SPMIP2: variants seen among roughly 807,000 people sequenced by gnomAD.
SPMIP2 encodes the protein protein SPMIP2.
chr4:158,898,909 T>A, the SPMIP2 span, among the ~76,000 whole-genome samples: 1 of 152,216 alleles, frequency 6.6e-6, no homozygotes, highest in East Asian at 1.9e-4. Flanking sequence ...GAGAGCATCC[T>A]TGTCTTGTGC....
chr4:158,933,757 C>A, the SPMIP2 span, among the ~76,000 whole-genome samples: 1 of 152,046 alleles, frequency 6.6e-6, no homozygotes, highest in African/African-American at 2.4e-5. Context: ...CTTTCTGTTC[C>A]TTTACCATTG....
chr4:159,064,620 C>A, the SPMIP2 span, among the ~76,000 whole-genome samples: 8 of 152,146 alleles, frequency 5.3e-5, no homozygotes, highest in African/African-American at 1.7e-4. Flanking sequence ...TCCCCTAACA[C>A]TTACAATGTC....
the SPMIP2 span, among the ~76,000 whole-genome samples, chr4:159,060,071 T>G: frequency 6.6e-6 from 1 of 152,196 alleles, no homozygotes; most frequent in Non-Finnish European, 1.5e-5. Flanking sequence ...ACCTGACTGT[T>G]GTGTGCAGTG....
the SPMIP2 span, among the ~76,000 whole-genome samples, chr4:158,903,806 AT>A: frequency 9.5e-4 from 141 of 149,064 alleles, no homozygotes; most frequent in Middle Eastern, 3.5e-3. Flanking sequence ...AAACAGTTCA[AT>A]TTTTTTTTTT....
chr4:158,918,311 A>G, the SPMIP2 span, among the ~76,000 whole-genome samples: 1 of 152,318 alleles, frequency 6.6e-6, no homozygotes, highest in East Asian at 1.9e-4. Context: ...CCAGGCAGCT[A>G]TGTAGGACTG....
At chr4:158,927,458 A>C in the SPMIP2 span, among the ~76,000 whole-genome samples, 1 of 151,934 alleles carries the variant, frequency 6.6e-6, no homozygotes, top group Non-Finnish European at 1.5e-5. Flanking sequence ...TAAAAATTTT[A>C]TACTTATTTA....
At chr4:158,974,104 G>T in the SPMIP2 span, among the ~76,000 whole-genome samples, 1 of 151,074 alleles carries the variant, frequency 6.6e-6, no homozygotes, top group Non-Finnish European at 1.5e-5. Flanking sequence ...AATCTGAAAT[G>T]TGTATTAGAA....
chr4:159,072,451 C>CTTTTT, the SPMIP2 span, among the ~76,000 whole-genome samples: 3 of 69,130 alleles, frequency 4.3e-5, no homozygotes, highest in African/African-American at 6.1e-5. Context: ...CTTATGAATT[C>CTTTTT]TTTTTTTTTT....
chr4:158,985,639 T>C, the SPMIP2 span, among the ~76,000 whole-genome samples: 1 of 152,170 alleles, frequency 6.6e-6, no homozygotes, highest in East Asian at 1.9e-4. Flanking sequence ...TATCTCAAAA[T>C]AATAAGAGCT....
chr4:158,911,748 C>T, the SPMIP2 span, among the ~76,000 whole-genome samples: 1 of 152,112 alleles, frequency 6.6e-6, no homozygotes, highest in Non-Finnish European at 1.5e-5. Flanking sequence ...AACAGGATCC[C>T]CAAGTGATTT....
chr4:158,973,169 A>G, the SPMIP2 span: 10 of 1,613,372 alleles, frequency 6.2e-6, no homozygotes, highest in Non-Finnish European at 8.5e-6. Flanking sequence ...ACTCATGTTT[A>G]TATTTTGCTG....
the SPMIP2 span, among the ~76,000 whole-genome samples, chr4:158,935,717 G>A: frequency 2.6e-5 from 4 of 152,134 alleles, no homozygotes; most frequent in African/African-American, 7.2e-5. Context: ...TTCTCCTAGC[G>A]GCCTGAACGT....
chr4:158,924,650 G>A, the SPMIP2 span, among the ~76,000 whole-genome samples: 1 of 152,134 alleles, frequency 6.6e-6, no homozygotes, highest in Non-Finnish European at 1.5e-5. Flanking sequence ...CTGAAGCACT[G>A]GGATTACACG....
chr4:158,967,652 C>T, the SPMIP2 span, among the ~76,000 whole-genome samples: 1 of 152,124 alleles, frequency 6.6e-6, no homozygotes, highest in Non-Finnish European at 1.5e-5. Context: ...TAATGAGACT[C>T]AAAACTGGTG....
chr4:159,037,177 T>C, the SPMIP2 span, among the ~76,000 whole-genome samples: 1 of 152,300 alleles, frequency 6.6e-6, no homozygotes, highest in Non-Finnish European at 1.5e-5. Flanking sequence ...CAAACTTTAA[T>C]CTGTTGTAGG....
At chr4:158,895,646 A>AT in the SPMIP2 span, 1 of 715,710 alleles carries the variant, frequency 1.4e-6, no homozygotes, top group Non-Finnish European at 2.5e-6. Flanking sequence ...AACTGATGAG[A>AT]TAAAAGCTGT....
At chr4:159,048,609 TC>T in the SPMIP2 span, among the ~76,000 whole-genome samples, 1 of 151,956 alleles carries the variant, frequency 6.6e-6, no homozygotes, top group African/African-American at 2.4e-5. Context: ...GCACGGTTTT[TC>T]CTCCCACATT....
At chr4:158,973,322 C>T in the SPMIP2 span, 39 of 1,545,256 alleles carry the variant, frequency 2.5e-5, no homozygotes, top group South Asian at 4.3e-4. Flanking sequence ...CTTTAAAAGA[C>T]AAAATGTACT....
the SPMIP2 span, among the ~76,000 whole-genome samples, chr4:158,896,841 G>GTTT: frequency 2.1e-4 from 31 of 144,918 alleles, no homozygotes; most frequent in Admixed American, 4.8e-4. Context: ...TGCCTTATTA[G>GTTT]TTTTTTTTTT....
Sources: gnomAD v4.1 joint callset for allele counts (sites outside exome capture counted in the v4.1 genomes callset) on GRCh38, gnomAD v4.1.1 for gene constraint, MANE v1.5 for transcripts, NCBI Gene and HGNC (gene_info 2026-07-23, HGNC 2026-07-21) for gene names.